LETM2: variants seen among roughly 807,000 people sequenced by gnomAD.
The protein encoded by LETM2 is leucine zipper and EF-hand containing transmembrane protein 2.
Under a neutral mutation model 59.6 loss-of-function variants are expected in LETM2, and 58 were observed. The ratio of observed to expected loss-of-function variants is 0.97; its 90% CI spans 0.79 to 1.21. The LOEUF is 1.21. Ranked by LOEUF, LETM2 falls within the 50% of genes most tolerant of loss-of-function variation. The pLI is 0.00. For missense variants in LETM2, 572 were observed against 575.7 expected, an observed-to-expected ratio of 0.99 and a Z score of 0.07; for synonymous variants, 199 against 214.1, an observed-to-expected ratio of 0.93 and a Z score of 0.62.
Position 38,408,603 on chromosome 8 carries a change from G to T in LETM2, c.*329G>T, listed in dbSNP as rs1813937868. 2 of 207,704 alleles carry T rather than the reference G, an allele frequency of 9.6e-6. No homozygotes were observed. The highest frequency in any genetic ancestry group is 1.7e-4 in the South Asian group (2 of 11,634). The allele number at this position is 207,704 out of a possible 1,614,324, so 12.9% of individuals were successfully genotyped here. On this transcript the variant is annotated 3_prime_UTR_variant, in exon 11 of 11. Coordinates refer to ENST00000379957, the MANE Select transcript of LETM2 (RefSeq NM_001286819.2). ...CAGAGAGGAAATTTTTTGCACAATG[G>T]AATCAGCTTGGCACCTTAGATACCT... is the stretch of plus-strand genomic sequence containing the variant.
intron 4 of LETM2, among the ~76,000 whole-genome samples, 183 bp from the exon 5 acceptor site, chr8:38,400,089 T>A (rs1813058760): frequency 6.6e-6 from 1 of 152,186 alleles, no homozygotes; most frequent in Non-Finnish European, 1.5e-5. Context: ...GGAGACAAGT[T>A]CCAAATAGAG....
chr8:38,399,239 A>G (rs953344886), intron 4 of LETM2, among the ~76,000 whole-genome samples: 2 of 152,306 alleles, frequency 1.3e-5, no homozygotes, highest in Middle Eastern at 3.4e-3. Flanking sequence ...ATGATTAACA[A>G]GGATTAAGAA....
chr8:38,388,078 T>C lies in LETM2; in HGVS notation c.47+48T>C, dbSNP rs992482617. ...AATATGAACGTAATTCTTCTTCTTC[T>C]TCTTTTTTTTTTTTTTTTCTGAGAT... On this transcript the variant is annotated intron_variant, in intron 2 of 10. Transcript: ENST00000379957. The C allele has an allele frequency of 3.3e-6, 4 of 1,195,614 alleles. No individual in the cohort carries two copies. The Admixed American group carries it at 1.2e-4, about 35-fold the overall frequency. The allele number at this position is 1,195,614 out of a possible 1,614,324, so 74.1% of individuals were successfully genotyped here.
intron 4 of LETM2, among the ~76,000 whole-genome samples, chr8:38,396,772 G>A (rs1243193401): frequency 6.6e-6 from 1 of 152,034 alleles, no homozygotes. Context: ...AATTAGCCAA[G>A]TGTGGTAGCA....
At position 38,408,438 on chromosome 8, in the gene LETM2, G is replaced by A. The variant is rs1246091314; in HGVS notation, c.*164G>A. The A allele has an allele frequency of 5.0e-6, 3 of 602,560 alleles. No homozygotes were observed. The highest frequency in any genetic ancestry group is 5.9e-6 in the Non-Finnish European group (2 of 336,746). The allele number at this position is 602,560 out of a possible 1,614,324, so 37.3% of individuals were successfully genotyped here. A position where few individuals can be genotyped will look rare whatever the true frequency, so the allele number is the denominator to read the frequency against. ...CTGGTAACCATTCCAGGTGATGTGGGTAGTGAGACCAAGTTCAGACCACTT... is the reference window on the plus strand; with the variant it reads ...CTGGTAACCATTCCAGGTGATGTGGATAGTGAGACCAAGTTCAGACCACTT... On this transcript the variant is annotated 3_prime_UTR_variant, in exon 11 of 11. Transcript: ENST00000379957.
chr8:38,408,130 T>C (rs1295508679), intron 10 of LETM2, 82 bp from the exon 11 acceptor site: 1 of 1,027,834 alleles, frequency 9.7e-7, no homozygotes, highest in Non-Finnish European at 1.5e-6. Flanking sequence ...CTATTTTGAT[T>C]AAGAAAACAA....
chr8:38,403,153 C>T (rs1025058734), intron 7 of LETM2, among the ~76,000 whole-genome samples: 4 of 152,138 alleles, frequency 2.6e-5, no homozygotes, highest in Admixed American at 2.6e-4. Flanking sequence ...TCTCCAATTT[C>T]CCCCGTGTTT....
intron 2 of LETM2, among the ~76,000 whole-genome samples, chr8:38,389,434 T>A (rs1168207554): frequency 6.6e-6 from 1 of 151,720 alleles, no homozygotes; most frequent in Non-Finnish European, 1.5e-5. Context: ...GCCAGGCTGA[T>A]CTTGAACTCC....
intron 6 of LETM2, among the ~76,000 whole-genome samples, chr8:38,402,010 AAAC>A (rs1467996902): frequency 1.3e-5 from 2 of 152,148 alleles, no homozygotes; most frequent in Admixed American, 6.5e-5. Flanking sequence ...GCTTTGGAAT[AAAC>A]AACACTGGTC....
At chr8:38,399,373 C>T (rs1812971045) in intron 4 of LETM2, among the ~76,000 whole-genome samples, 1 of 152,174 alleles carries the variant, frequency 6.6e-6, no homozygotes, top group Non-Finnish European at 1.5e-5. Flanking sequence ...CTGTAAGCCA[C>T]ATTAGGTAGA....
At chr8:38,394,947 A>T (rs1175592572) in intron 4 of LETM2, among the ~76,000 whole-genome samples, 1 of 150,962 alleles carries the variant, frequency 6.6e-6, no homozygotes, top group East Asian at 1.9e-4. Flanking sequence ...TTGTCTCTGT[A>T]GTTTTGCCTT....
intron 2 of LETM2, 105 bp downstream of exon 2, chr8:38,388,135 C>G (rs1199491648): frequency 1.3e-6 from 1 of 759,622 alleles, no homozygotes; most frequent in Non-Finnish European, 2.1e-6. Flanking sequence ...GGCTGGAGTT[C>G]AATGGTGCAA....
chr8:38,391,537 C>A (rs886266531), intron 2 of LETM2, among the ~76,000 whole-genome samples: 1 of 151,796 alleles, frequency 6.6e-6, no homozygotes, highest in Non-Finnish European at 1.5e-5. Flanking sequence ...TCTTGATCCG[C>A]CCGCCTTGGC....
At chr8:38,404,067 G>A (rs1242942737) in intron 7 of LETM2, among the ~76,000 whole-genome samples, 1 of 152,054 alleles carries the variant, frequency 6.6e-6, no homozygotes, top group Non-Finnish European at 1.5e-5. Flanking sequence ...GTGTTGCCCA[G>A]GCTGTGATTT....
intron 2 of LETM2, among the ~76,000 whole-genome samples, chr8:38,389,122 T>C (rs1812007489): frequency 6.6e-6 from 1 of 152,100 alleles, no homozygotes; most frequent in African/African-American, 2.4e-5. Flanking sequence ...TCACGTGAGG[T>C]CCTTAGATGT....
At chr8:38,403,794 C>T (rs1813453265) in intron 7 of LETM2, among the ~76,000 whole-genome samples, 1 of 152,200 alleles carries the variant, frequency 6.6e-6, no homozygotes, top group Non-Finnish European at 1.5e-5. Context: ...TTGGCTATGA[C>T]ACTGTCACTG....
At chr8:38,383,748 G>A (rs1349005217), upstream of LETM2, among the ~76,000 whole-genome samples, 1 of 151,914 alleles carries the variant, frequency 6.6e-6, no homozygotes, top group Non-Finnish European at 1.5e-5. Context: ...GGCTAAGACG[G>A]TGAAACCCCG....
chr8:38,407,540 G>T (rs1323149625), intron 10 of LETM2, 77 bp downstream of exon 10: 3 of 968,212 alleles, frequency 3.1e-6, no homozygotes, highest in African/African-American at 1.6e-5. Flanking sequence ...TGAGAATCTA[G>T]AATTAGTCCT....
chr8:38,401,140 T>G, intron 6 of LETM2, 87 bp downstream of exon 6: 1 of 1,009,212 alleles, frequency 9.9e-7, no homozygotes. Flanking sequence ...GCAGTATTTT[T>G]TGTTTTTGTT....
Sources: allele counts gnomAD v4.1 joint callset (sites outside exome capture counted in the v4.1 genomes callset), GRCh38; gene constraint gnomAD v4.1.1; transcripts MANE v1.5; gene names NCBI Gene and HGNC (gene_info 2026-07-23, HGNC 2026-07-21).